The following SLC7A10 variants were observed in gnomAD, a reference collection of about 807,000 sequenced individuals.
The protein encoded by SLC7A10 is solute carrier family 7 member 10, also known as asc-type amino acid transporter 1.
In SLC7A10, 30 loss-of-function variants were observed where a neutral mutation model predicts 52.7. The observed-to-expected ratio is 0.57, with a 90% CI of 0.43 to 0.77. The LOEUF (loss-of-function observed/expected upper bound fraction) is 0.77. Among genes scored for constraint, SLC7A10 ranks in the 30% least tolerant of loss-of-function variants. The pLI, the probability that SLC7A10 is intolerant of heterozygous loss-of-function variation, is 0.00. For missense variants in SLC7A10, 581 were observed against 698.5 expected (o/e 0.83, Z 1.90); for synonymous variants, 318 against 314.9 (o/e 1.01, Z -0.10).
chr19:33,213,057 A>G, intron 2 of SLC7A10, 55 bp from the exon 3 acceptor site: 4 of 1,552,052 alleles, frequency 2.6e-6, no homozygotes, highest in Non-Finnish European at 3.5e-6. Context: ...TTCCCGGCCA[A>G]CCTGGCCCTG....
intron 1 of SLC7A10, 91 bp downstream of exon 1, chr19:33,225,462 G>T: frequency 6.7e-7 from 1 of 1,495,678 alleles, no homozygotes; most frequent in Non-Finnish European, 9.1e-7. Context: ...AGACCCGTCC[G>T]AGCGCCCGGA....
chr19:33,221,473 T>G (rs1368548372), intron 1 of SLC7A10, among the ~76,000 whole-genome samples: 1 of 152,206 alleles, frequency 6.6e-6, no homozygotes, highest in Non-Finnish European at 1.5e-5. Context: ...CTTGGGGTCC[T>G]GGAGCACACC....
chr19:33,216,055 CAGG>C lies in SLC7A10; in HGVS notation c.152-85_152-83del. ...TTCTGTGTGGGGATCTGCCTGCTGCCAGGAGGAAGACAGCCCGGGGTGCTTCCC... is the reference window on the plus strand; with the variant it reads ...TTCTGTGTGGGGATCTGCCTGCTGCCAGGAAGACAGCCCGGGGTGCTTCCC... On this transcript the variant is annotated intron_variant, in intron 1 of 10. Transcript: ENST00000253188. 3.8e-6 allele frequency: 5 copies of C among 1,316,718 alleles called. No individual in the cohort carries two copies. In the South Asian group the frequency reaches 7.5e-5, roughly 20 times the overall value. 81.6% of individuals were successfully genotyped at this position (1,316,718 alleles called of 1,614,324 possible). A position where few individuals can be genotyped will look rare whatever the true frequency, so the allele number is the denominator to read the frequency against.
At position 33,211,257 on chromosome 19, in the gene SLC7A10, T is replaced by G; in HGVS notation, c.984A>C (p.Gly328=). The change falls in exon 7 of 11, where the codon GGA becomes GGC. Residue 328 remains glycine, a synonymous_variant. Transcript: ENST00000253188. The part of the protein sequence containing the change: ...MPVSVALSTF[G]GINGYLFTYS... ...AGGTGAACAGGTAACCATTGATCCC[T>G]CCGAAGGTTGACAGAGCCACGGAGA... 3.1e-6 allele frequency: 5 copies of G among 1,613,732 alleles called. No individual in the cohort carries two copies. Among genetic ancestry groups the G allele is most frequent in the Non-Finnish European group, 4.2e-6 (5 of 1,180,006 alleles).
intron 1 of SLC7A10, among the ~76,000 whole-genome samples, chr19:33,222,736 G>A (rs545028702): frequency 7.2e-5 from 11 of 152,292 alleles, no homozygotes; most frequent in Admixed American, 2.0e-4. Context: ...CAGAGCCCCT[G>A]CCCCAGCCAG....
rs1165305371 is a variant in SLC7A10, at chr19:33,210,473, G to T, written c.1257C>A (p.Pro419=). 7.5e-6 allele frequency: 12 copies of T among 1,593,862 alleles called. No homozygotes were observed. Among genetic ancestry groups the T allele is most frequent in the Non-Finnish European group, 1.0e-5 (12 of 1,175,172 alleles). ...LRWRRPALHR[P]IKVNLLIPVA... is the part of the protein sequence containing the mutation. The stretch of plus-strand genomic sequence containing the variant: ...AGCTGTCCCAGGGCCTCACCTTGAT[G>T]GGCCTGTGGAGTGCAGGCCGCCTCC... The change falls in exon 9 of 11, where the codon CCC becomes CCA. Residue 419 remains proline, a synonymous_variant. Transcript: ENST00000253188. The surrounding 1 kb of genome is among the most constrained non-coding windows in gnomAD (Gnocchi z 5.6).
Position 33,218,469 on chromosome 19 carries a change from T to A in SLC7A10, c.152-2496A>T, listed in dbSNP as rs553897847. On this transcript the variant is annotated intron_variant, in intron 1 of 10. Transcript: ENST00000253188. ...CGCAGCATCTCCCTCAGGATCATGTTTGAAGGTGGCAGAAAATCGCATCAC... is the reference window on the plus strand; with the variant it reads ...CGCAGCATCTCCCTCAGGATCATGTATGAAGGTGGCAGAAAATCGCATCAC... Among the ~76,000 whole-genome samples, 4 of 151,932 alleles carry A rather than the reference T, an allele frequency of 2.6e-5. No homozygotes were observed. In the East Asian group the frequency reaches 5.9e-4, roughly 22 times the overall value.
At position 33,211,096 on chromosome 19, in the gene SLC7A10, G is replaced by A. The variant is rs748521907; in HGVS notation, c.1016+129C>T. On this transcript the variant is annotated intron_variant, in intron 7 of 10. Transcript: ENST00000253188. ...TGATCAGACACTTGTTACCGTGTGG[G>A]ATCATCATCCCAGCTTCAGGCAGAC... is the stretch of plus-strand genomic sequence containing the variant. 1.9e-5 allele frequency: 19 copies of A among 1,022,706 alleles called. No homozygotes were observed. The South Asian group carries it at 2.4e-4, about 13-fold the overall frequency. The allele number at this position is 1,022,706 out of a possible 1,614,324, so 63.4% of individuals were successfully genotyped here. A position where few individuals can be genotyped will look rare whatever the true frequency, so the allele number is the denominator to read the frequency against.
At position 33,210,945 on chromosome 19, in the gene SLC7A10, G is replaced by A; in HGVS notation, c.1017-47C>T. The A allele has an allele frequency of 1.9e-6, 3 of 1,566,358 alleles. No homozygotes were observed. Among genetic ancestry groups the A allele is most frequent in the Non-Finnish European group, 2.6e-6 (3 of 1,138,372 alleles). On this transcript the variant is annotated intron_variant, in intron 7 of 10. Coordinates refer to ENST00000253188, the MANE Select transcript of SLC7A10 (RefSeq NM_019849.3). This position sits in a 1 kb window ranked among gnomAD's most constrained non-coding sequence, Gnocchi z 5.6. ...GGCACTGGCCACATCCTGGGTCTCA[G>A]CTTTGGACCTGATGTCCCTCTTAAG...
At chr19:33,213,362 C>T (rs1405991158) in intron 2 of SLC7A10, among the ~76,000 whole-genome samples, 1 of 151,460 alleles carries the variant, frequency 6.6e-6, no homozygotes, top group Non-Finnish European at 1.5e-5. Flanking sequence ...GATCTCGGCT[C>T]ACTGCAACCT....
At chr19:33,215,023 T>G (rs990525372) in intron 2 of SLC7A10, among the ~76,000 whole-genome samples, 3 of 152,096 alleles carry the variant, frequency 2.0e-5, no homozygotes, top group African/African-American at 7.2e-5. Context: ...TCCTAGCACT[T>G]GGGAGGCTGA....
rs1277375195 is a variant in SLC7A10 at position 33,209,432 on chromosome 19, G to C, written c.1317C>G (p.Val439=). 1.9e-6 allele frequency: 3 copies of C among 1,613,924 alleles called. No individual in the cohort carries two copies. The highest frequency in any genetic ancestry group is 1.3e-5 in the African/African-American group (1 of 74,930). The part of the protein sequence containing the change: ...AYLVFWAFLL[V]FSFISEPMVC... ...CCATAGGCTCTGAGATGAAGCTGAA[G>C]ACCAGCAGGAAGGCCCAGAAGACCA... Residue 439 remains valine (V), a synonymous_variant, in exon 10 of 11, where the codon GTC becomes GTG. Coordinates refer to ENST00000253188, the MANE Select transcript of SLC7A10 (RefSeq NM_019849.3).
chr19:33,212,005 T>G (rs1974564505), intron 5 of SLC7A10: 1 of 549,328 alleles, frequency 1.8e-6, no homozygotes, highest in Non-Finnish European at 3.3e-6. Context: ...ATATGCATAA[T>G]TTTAGGCCAA....
rs1974515897 is a variant in SLC7A10, at chr19:33,210,378, T to A, written c.1263+89A>T. On this transcript the variant is annotated intron_variant, in intron 9 of 10. Transcript: ENST00000253188. This position sits in a 1 kb window ranked among gnomAD's most constrained non-coding sequence, Gnocchi z 5.6. ...CCAACACTCCACAAAAGCTGGCACC[T>A]CCCATCCCACCTGCCCCTGGTGCCC... is the stretch of plus-strand genomic sequence containing the variant. 6.7e-7 allele frequency: 1 copy of A among 1,498,156 alleles called. No homozygotes were observed. The highest frequency in any genetic ancestry group is 2.5e-5 in the East Asian group (1 of 40,528). The allele number at this position is 1,498,156 out of a possible 1,614,324, so 92.8% of individuals were successfully genotyped here.
Position 33,210,724 on chromosome 19 carries a change from CT to C in SLC7A10, c.1113+77del. 3 of 1,606,474 alleles carry C rather than the reference CT, an allele frequency of 1.9e-6. No individual in the cohort carries two copies. The highest frequency in any genetic ancestry group is 1.7e-6 in the Non-Finnish European group (2 of 1,175,072). On this transcript the variant is annotated intron_variant, in intron 8 of 10. Coordinates refer to ENST00000253188, the MANE Select transcript of SLC7A10 (RefSeq NM_019849.3). This position sits in a 1 kb window ranked among gnomAD's most constrained non-coding sequence, Gnocchi z 5.6. ...ACCCCCACCCTGGAATGGCTCACCC[CT>C]GCCATTACCCGGAAGGTCCTGCATT...
chr19:33,212,113 G>T, intron 5 of SLC7A10, 179 bp downstream of exon 5: 1 of 835,486 alleles, frequency 1.2e-6, no homozygotes, highest in Non-Finnish European at 1.9e-6. Flanking sequence ...GAGAGAACAG[G>T]GCCAGGCTAG....
rs574716051 is a variant in SLC7A10, at chr19:33,212,230, G to A, written c.788+62C>T. 6.4e-6 allele frequency: 10 copies of A among 1,555,404 alleles called. No homozygotes were observed. In the African/African-American group the frequency reaches 9.5e-5, roughly 15 times the overall value. On this transcript the variant is annotated intron_variant, in intron 5 of 10. Transcript: ENST00000253188. ...GGGTGGCAGTGGGGCTGGGCGGAGA[G>A]GCTGCCTGTCCCACCAGAGGGCCTG...
chr19:33,209,246 G>A, intron 10 of SLC7A10, 62 bp downstream of exon 10: 1 of 1,604,674 alleles, frequency 6.2e-7, no homozygotes. Context: ...GCCTCTAAGA[G>A]GGAGGTCTGG....
intron 1 of SLC7A10, among the ~76,000 whole-genome samples, chr19:33,224,132 C>T (rs961464158): frequency 6.6e-6 from 1 of 152,134 alleles, no homozygotes; most frequent in African/African-American, 2.4e-5. Context: ...TGTCTTTCTG[C>T]ACCTGCCTGG....
Sources: gnomAD v4.1 joint callset for allele counts (sites outside exome capture counted in the v4.1 genomes callset) on GRCh38, gnomAD v4.1.1 for gene constraint, Gnocchi (gnomAD v3.1) non-coding constraint, MANE v1.5 for transcripts, NCBI Gene and HGNC (gene_info 2026-07-23, HGNC 2026-07-21) for gene names.